POLR2F: variants seen among roughly 807,000 people sequenced by gnomAD.
The protein encoded by POLR2F is RNA polymerase II, I and III subunit F, also known as DNA-directed RNA polymerases I, II, and III subunit RPABC2.
POLR2F carries 12 observed loss-of-function variants against 22.7 expected under a neutral mutation model. That is an observed-to-expected ratio of 0.53 (90% CI 0.34 to 0.86). The LOEUF (loss-of-function observed/expected upper bound fraction) is 0.86. Ranked by LOEUF, POLR2F falls within the 40% of genes least tolerant of loss-of-function variation. The pLI is 0.02. For synonymous variants in POLR2F, 57 were observed against 66.0 expected (o/e 0.86, Z 0.66); for missense variants, 126 against 171.5 (o/e 0.73, Z 1.48).
downstream of POLR2F, among the ~76,000 whole-genome samples, chr22:37,969,953 A>G (rs1161655677): frequency 6.6e-6 from 1 of 152,136 alleles, no homozygotes; most frequent in African/African-American, 2.4e-5. Flanking sequence ...TGTGTGCTTC[A>G]TGGTGATGTA....
chr22:37,977,855 A>C (rs1446744929), intron 4 of POLR2F: 1 of 1,604,710 alleles, frequency 6.2e-7, no homozygotes, highest in African/African-American at 1.3e-5. Flanking sequence ...CAGCTCTGTC[A>C]TCAGCACTCA....
chr22:37,986,174 C>A, upstream of POLR2F: 1 of 1,541,026 alleles, frequency 6.5e-7, no homozygotes, highest in South Asian at 1.2e-5. This position sits in a 1 kb window ranked among gnomAD's most constrained non-coding sequence, Gnocchi z 4.7. Flanking sequence ...GCCTCAGAAC[C>A]GCCCGGAGAG....
At chr22:37,981,741 G>A (rs1932403027), upstream of POLR2F, among the ~76,000 whole-genome samples, 1 of 152,206 alleles carries the variant, frequency 6.6e-6, no homozygotes, top group Non-Finnish European at 1.5e-5. Flanking sequence ...CCTGGGCCAA[G>A]CCCCACCCAG....
At chr22:38,028,299 G>A (rs891425238), downstream of POLR2F, among the ~76,000 whole-genome samples, 7 of 152,200 alleles carry the variant, frequency 4.6e-5, no homozygotes, top group South Asian at 8.3e-4. Context: ...GCTGCACGGC[G>A]ATGCTTTAGG....
chr22:38,008,650 T>G (rs1267408222), intron 1 of POLR2F, among the ~76,000 whole-genome samples: 1 of 150,794 alleles, frequency 6.6e-6, no homozygotes, highest in African/African-American at 2.4e-5. Flanking sequence ...GGCGGGTGGG[T>G]CACCTGAGGT....
downstream of POLR2F, chr22:37,973,456 G>T: frequency 7.5e-7 from 1 of 1,337,878 alleles, no homozygotes. Flanking sequence ...CAGGCTGGGG[G>T]CAGGGGCTGG....
intron 1 of POLR2F, 99 bp from the exon 2 acceptor site, chr22:37,956,673 TC>T (rs1284998137): frequency 1.5e-5 from 14 of 964,172 alleles, no homozygotes; most frequent in Non-Finnish European, 2.0e-5. Context: ...CACTTCAATC[TC>T]CGAAAGTACC....
rs914122215 is a variant in POLR2F at position 37,968,410 on chromosome 22, A to T, written c.*695A>T. The T allele has an allele frequency of 6.6e-5, 65 of 985,626 alleles. No individual in the cohort carries two copies. The highest frequency in any genetic ancestry group is 1.2e-4 in the Admixed American group (2 of 16,272). 61.1% of individuals were successfully genotyped at this position (985,626 alleles called of 1,614,324 possible). ...CCCACCTCTTTGGTGTGCCACACCC[A>T]TGCCTTCTTCCTAGCCTCTATAAGA... On this transcript the variant is annotated 3_prime_UTR_variant, in exon 5 of 5. Transcript: ENST00000442738.
chr22:37,956,719 T>G (rs1931416188), intron 1 of POLR2F, 54 bp from the exon 2 acceptor site: 16 of 1,428,518 alleles, frequency 1.1e-5, no homozygotes, highest in Non-Finnish European at 1.4e-5. Context: ...GCCTGGCCCC[T>G]CTTTGATTCT....
rs1199912111 is a variant in POLR2F, at chr22:37,986,969, T to A, written c.120+657T>A. ...GGACAACAGGAGGGCCAGTGTCACC[T>A]TCTCCTCCTTTCCCTGCTGGGGGTG... On this transcript the variant is annotated intron_variant, in intron 1 of 2. Coordinates refer to the POLR2F transcript ENST00000333418. This position sits in a 1 kb window ranked among gnomAD's most constrained non-coding sequence, Gnocchi z 4.7. 1 of 453,022 alleles carries A rather than the reference T, an allele frequency of 2.2e-6. No individual in the cohort carries two copies. Among genetic ancestry groups the A allele is most frequent in the Non-Finnish European group, 4.5e-6 (1 of 224,272 alleles). The allele number at this position is 453,022 out of a possible 1,614,324, so 28.1% of individuals were successfully genotyped here.
intron 1 of POLR2F, among the ~76,000 whole-genome samples, chr22:38,008,324 C>T (rs1487807186): frequency 6.6e-6 from 1 of 151,440 alleles, no homozygotes; most frequent in Admixed American, 6.6e-5. Context: ...CCCAGGTGGG[C>T]GGATCATCTG....
At chr22:37,972,301 C>CA (rs1201465014), downstream of POLR2F, 1 of 1,252,410 alleles carries the variant, frequency 8.0e-7, no homozygotes, top group South Asian at 1.3e-5. Flanking sequence ...AGGTCAGGCT[C>CA]ACCAAGCAGG....
intron 1 of POLR2F, among the ~76,000 whole-genome samples, chr22:38,005,475 AG>A (rs2084812924): frequency 1.3e-5 from 2 of 152,344 alleles, no homozygotes; most frequent in South Asian, 4.1e-4. Context: ...ATTTCAGCTC[AG>A]GGGTGATGGA....
At chr22:37,960,526 T>G (rs1348915324) in intron 3 of POLR2F, among the ~76,000 whole-genome samples, 5 of 150,618 alleles carry the variant, frequency 3.3e-5, no homozygotes, top group Non-Finnish European at 7.4e-5. Flanking sequence ...GCCTCCAGAG[T>G]AGCTGGGACT....
At chr22:37,994,887 C>T (rs1301583687) in intron 1 of POLR2F, among the ~76,000 whole-genome samples, 1 of 152,220 alleles carries the variant, frequency 6.6e-6, no homozygotes, top group Non-Finnish European at 1.5e-5. Flanking sequence ...TCAAGCTATC[C>T]TCCCGCCTTG....
intron 4 of POLR2F, among the ~76,000 whole-genome samples, chr22:37,979,323 C>G (rs184845501): frequency 3.2e-4 from 48 of 152,224 alleles, no homozygotes; most frequent in African/African-American, 1.1e-3. Context: ...GTCTCCAACT[C>G]CTGACCTCAG....
At chr22:38,028,077 G>A (rs1212715452), downstream of POLR2F, among the ~76,000 whole-genome samples, 2 of 152,180 alleles carry the variant, frequency 1.3e-5, no homozygotes, top group East Asian at 3.9e-4. Context: ...GAAAGTCCCT[G>A]CTCCCTGGAG....
chr22:38,001,100 A>G (rs1187881462), intron 1 of POLR2F, among the ~76,000 whole-genome samples: 1 of 152,150 alleles, frequency 6.6e-6, no homozygotes, highest in Non-Finnish European at 1.5e-5. Flanking sequence ...GAGAGGTTAG[A>G]GAAGGACTAG....
At chr22:37,994,313 C>T (rs1251711347) in intron 1 of POLR2F, among the ~76,000 whole-genome samples, 3 of 152,168 alleles carry the variant, frequency 2.0e-5, no homozygotes, top group Non-Finnish European at 4.4e-5. Context: ...AGCTCACCTT[C>T]AGCTGTGTGT....
Sources: gnomAD v4.1 joint callset for allele counts (sites outside exome capture counted in the v4.1 genomes callset) on GRCh38, gnomAD v4.1.1 for gene constraint, Gnocchi (gnomAD v3.1) non-coding constraint, MANE v1.5 for transcripts, NCBI Gene and HGNC (gene_info 2026-07-23, HGNC 2026-07-21) for gene names.